TXLNA: variants seen among roughly 807,000 people sequenced by gnomAD.
TXLNA encodes the protein alpha-taxilin.
In TXLNA, 9 loss-of-function variants were observed where a neutral mutation model predicts 61.4. That is an observed-to-expected ratio of 0.15 (90% CI 0.09 to 0.26). The LOEUF (loss-of-function observed/expected upper bound fraction) is 0.26, where lower values mean the gene tolerates loss of function less well. TXLNA is among the 10% of genes least tolerant of loss of function. The pLI is 1.00. For synonymous variants in TXLNA, 257 were observed against 267.7 expected (o/e 0.96, Z 0.39); for missense variants, 565 against 688.8 (o/e 0.82, Z 2.01).
At position 32,181,418 on chromosome 1, in the gene TXLNA, T is replaced by G. The variant is rs777266375; in HGVS notation, c.346T>G (p.Tyr116Asp). The G allele has an allele frequency of 4.3e-6, 7 of 1,614,158 alleles. No individual in the cohort carries two copies. Among genetic ancestry groups the G allele is most frequent in the Non-Finnish European group, 5.1e-6 (6 of 1,180,028 alleles). The change falls in exon 3 of 11, where the codon TAT becomes GAT. Residue 116 changes from tyrosine (Y) to aspartate (D), a missense_variant. Coordinates refer to ENST00000373610, the MANE Select transcript of TXLNA (RefSeq NM_175852.4). Reference sequence around the variant, plus strand: ...CGAAGATGCAGAGAAGTCCCGGACCTATGTGGCAAGGAATGGGGAGCCTGA... The same window carrying G: ...CGAAGATGCAGAGAAGTCCCGGACCGATGTGGCAAGGAATGGGGAGCCTGA... ...EPEDAEKSRT[Y>D]VARNGEPEPT...
At position 32,190,057 on chromosome 1, in the gene TXLNA, A is replaced by C. The variant is rs138935065; in HGVS notation, c.771A>C (p.Glu257Asp). The C allele has an allele frequency of 2.6e-6, 4 of 1,566,162 alleles. No individual in the cohort carries two copies. The highest frequency in any genetic ancestry group is 3.5e-6 in the Non-Finnish European group (4 of 1,153,318). ...CTCGGGCTGACTTCTTTGCCCAGGA[A>C]GAAGGTGTGCAGCGGGCCCGGGAGG... Reference protein sequence around the residue: ...ELQRHNRSLKEEGVQRAREEE... With the variant: ...ELQRHNRSLKDEGVQRAREEE... The change falls in exon 6 of 11, where the codon GAA becomes GAC. Residue 257 changes from glutamate to aspartate, a missense_variant and splice_region_variant. This residue lies in a region of TXLNA where 373 missense variants were observed against 504.0 expected (regional missense o/e 0.74). Transcript: ENST00000373610.
rs1351746091 is a variant in TXLNA at position 32,196,828 on chromosome 1, T to C, written c.*1633T>C. On this transcript the variant is annotated 3_prime_UTR_variant, in exon 11 of 11. Transcript: ENST00000373610. ...AGATAAGTTGGTTCACAAAGAATGT[T>C]AAGTACTGAATCATGTGTGACTGAG... is the stretch of plus-strand genomic sequence containing the variant. 4 of 152,242 alleles carry C rather than the reference T, an allele frequency of 2.6e-5. No individual in the cohort carries two copies. The highest frequency in any genetic ancestry group is 5.9e-5 in the Non-Finnish European group (4 of 68,052). The allele number at this position is 152,242 out of a possible 1,614,324, so 9.4% of individuals were successfully genotyped here.
At chr1:32,187,131 A>G (rs1642803475) in intron 4 of TXLNA, among the ~76,000 whole-genome samples, 1 of 151,886 alleles carries the variant, frequency 6.6e-6, no homozygotes, top group African/African-American at 2.4e-5. Context: ...TGAACTCCTG[A>G]CCTCAAGTGA....
In TXLNA at chr1:32,190,619, TACTC is replaced by T. The variant is rs1178769909; in HGVS notation, c.963+373_963+376del. Among the ~76,000 whole-genome samples the T allele has an allele frequency of 4.6e-5, 7 of 152,328 alleles. No individual in the cohort carries two copies. The East Asian group carries it at 7.7e-4, about 17-fold the overall frequency. On this transcript the variant is annotated intron_variant, in intron 6 of 10. Coordinates refer to ENST00000373610, the MANE Select transcript of TXLNA (RefSeq NM_175852.4). ...GTATTTATGCAGTAGAACTTCCAAA[TACTC>T]ACCTACATTATGGGCTTACAATGAT...
intron 4 of TXLNA, 100 bp from the exon 5 acceptor site, chr1:32,187,854 A>G: frequency 1.5e-6 from 2 of 1,326,532 alleles, no homozygotes; most frequent in Non-Finnish European, 2.1e-6. Flanking sequence ...TGAGAGGGTA[A>G]GGGTCAGGGC....
rs546537271 is a variant in TXLNA at position 32,195,615 on chromosome 1, T to C, written c.*420T>C. 3.9e-5 allele frequency: 16 copies of C among 414,924 alleles called. No homozygotes were observed. Among genetic ancestry groups the C allele is most frequent in the African/African-American group, 2.7e-4 (13 of 48,322 alleles). The allele number at this position is 414,924 out of a possible 1,614,324, so 25.7% of individuals were successfully genotyped here. Reference sequence around the variant, plus strand: ...ACAAGTAATACACCCAGGTCTTGACTGCATTTGTCTTGTGAGCAGGGCTTG... The same window carrying C: ...ACAAGTAATACACCCAGGTCTTGACCGCATTTGTCTTGTGAGCAGGGCTTG... On this transcript the variant is annotated 3_prime_UTR_variant, in exon 11 of 11. Transcript: ENST00000373610.
In TXLNA at chr1:32,181,487, G is replaced by T. The variant is rs1642660220; in HGVS notation, c.415G>T (p.Asp139Tyr). 1.2e-6 allele frequency: 2 copies of T among 1,611,084 alleles called. No homozygotes were observed. Among genetic ancestry groups the T allele is most frequent in the South Asian group, 1.1e-5 (1 of 90,668 alleles). Residue 139 changes from aspartate (D) to tyrosine (Y), a missense_variant, in exon 3 of 11, where the codon GAT becomes TAT. Around this residue, in one of 2 missense-constraint regions of TXLNA, gnomAD observed 192 missense variants for 184.8 expected, o/e 1.04. Transcript: ENST00000373610. ...TGGAGAGAAGGAACCCTCCAAGGGG[G>T]ATCCAAACACAGAAGAGATCCGGCA... is the stretch of plus-strand genomic sequence containing the variant. The part of the protein sequence containing the change: ...VNGEKEPSKG[D>Y]PNTEEIRQSD...
At position 32,193,216 on chromosome 1, in the gene TXLNA, A is replaced by G. The variant is rs374926914; in HGVS notation, c.1167A>G (p.Leu389=). The change falls in exon 9 of 11, where the codon CTA becomes CTG. Residue 389 remains leucine (L), a synonymous_variant. Coordinates refer to ENST00000373610, the MANE Select transcript of TXLNA (RefSeq NM_175852.4). ...CTGCTTTCTCCCCACAGCTTGCCCT[A>G]TACACAGAGAAGTTTGAGGAGTTCC... ...QETHLKQQLA[L]YTEKFEEFQN... 4.3e-6 allele frequency: 7 copies of G among 1,613,550 alleles called. No homozygotes were observed. Among genetic ancestry groups the G allele is most frequent in the South Asian group, 1.1e-5 (1 of 91,076 alleles).
chr1:32,187,884 C>A, intron 4 of TXLNA, 70 bp from the exon 5 acceptor site: 1 of 1,549,532 alleles, frequency 6.5e-7, no homozygotes, highest in Non-Finnish European at 8.8e-7. Flanking sequence ...GACCCTAGAC[C>A]TGCATAGTGA....
chr1:32,186,791 G>A (rs1642797953), intron 4 of TXLNA, among the ~76,000 whole-genome samples: 1 of 152,226 alleles, frequency 6.6e-6, no homozygotes, highest in Non-Finnish European at 1.5e-5. Context: ...TAGTGACAAA[G>A]TCTAGATCTG....
At chr1:32,190,013 G>A (rs1289303181) in intron 5 of TXLNA, 42 bp from the exon 6 acceptor site, 20 of 1,523,132 alleles carry the variant, frequency 1.3e-5, no homozygotes, top group Non-Finnish European at 1.8e-5. Flanking sequence ...CCCTTGTGAG[G>A]TAGCAGTGGA....
Position 32,194,069 on chromosome 1 carries a change from C to T in TXLNA, c.1256C>T (p.Thr419Ile). ...TTFKQEMEKM[T>I]KKIKKLEKET... Reference sequence around the variant, plus strand: ...TCTGTCTGTCACATAACCTAGATGACTAAGAAGATCAAGAAGCTGGAGAAA... The same window carrying T: ...TCTGTCTGTCACATAACCTAGATGATTAAGAAGATCAAGAAGCTGGAGAAA... Residue 419 changes from threonine to isoleucine, a missense_variant, in exon 10 of 11, where the codon ACT becomes ATT. Thr to Ile is a moderately conservative substitution (Grantham distance 89). This residue lies in a region of TXLNA where 373 missense variants were observed against 504.0 expected (regional missense o/e 0.74). Transcript: ENST00000373610. The T allele has an allele frequency of 6.2e-7, 1 of 1,612,964 alleles. No homozygotes were observed. The highest frequency in any genetic ancestry group is 8.5e-7 in the Non-Finnish European group (1 of 1,179,426).
chr1:32,183,228 AT>A (rs1025287405), intron 3 of TXLNA, among the ~76,000 whole-genome samples: 7 of 148,698 alleles, frequency 4.7e-5, no homozygotes, highest in African/African-American at 1.7e-4. Flanking sequence ...GGTTCACACC[AT>A]TCTCCTGCCT....
Position 32,194,885 on chromosome 1 carries a change from C to T in TXLNA, c.1348-17C>T. 1 of 1,588,566 alleles carries T rather than the reference C, an allele frequency of 6.3e-7. No homozygotes were observed. The highest frequency in any genetic ancestry group is 2.2e-5 in the East Asian group (1 of 44,730). ...GTTGATGGGGCACGGCACTGAAGGT[C>T]TCATTTCTTTCCCTAGAAAACAGTC... On this transcript the variant is annotated splice_polypyrimidine_tract_variant and intron_variant, in intron 10 of 10. Coordinates refer to ENST00000373610, the MANE Select transcript of TXLNA (RefSeq NM_175852.4).
Position 32,179,689 on chromosome 1 carries a change from G to A in TXLNA, c.-120G>A, listed in dbSNP as rs563402109. On this transcript the variant is annotated 5_prime_UTR_variant, in exon 1 of 11. Transcript: ENST00000373610. ...CGGCGCCGGCTATTGATTGGCTGAG[G>A]CGGGAGCAGGCGGCTGGCCGGCAGC... is the stretch of plus-strand genomic sequence containing the variant. The A allele has an allele frequency of 5.6e-4, 85 of 152,432 alleles. No homozygotes were observed. The highest frequency in any genetic ancestry group is 2.0e-3 in the African/African-American group (82 of 41,584). The allele number at this position is 152,432 out of a possible 1,614,324, so 9.4% of individuals were successfully genotyped here.
chr1:32,181,765 C>T (rs1208850228), intron 3 of TXLNA, among the ~76,000 whole-genome samples, 188 bp downstream of exon 3: 4 of 152,192 alleles, frequency 2.6e-5, no homozygotes, highest in Non-Finnish European at 5.9e-5. Flanking sequence ...GTTACCAGCA[C>T]AAAGCCTTCT....
rs1289213129 is a variant in TXLNA at position 32,192,080 on chromosome 1, C to T, written c.964-231C>T. Reference sequence around the variant, plus strand: ...TGCTTGCCTTCTTGGGAGCAGATTCCATCCATAAACCATGTGCTTACCAAG... The same window carrying T: ...TGCTTGCCTTCTTGGGAGCAGATTCTATCCATAAACCATGTGCTTACCAAG... On this transcript the variant is annotated intron_variant, in intron 6 of 10. Transcript: ENST00000373610. This position sits in a 1 kb window ranked among gnomAD's most constrained non-coding sequence, Gnocchi z 4.2. Among the ~76,000 whole-genome samples the T allele has an allele frequency of 1.3e-5, 2 of 152,238 alleles. No individual in the cohort carries two copies. Among genetic ancestry groups the T allele is most frequent in the African/African-American group, 4.8e-5 (2 of 41,458 alleles).
intron 3 of TXLNA, among the ~76,000 whole-genome samples, chr1:32,182,923 C>T (rs979094592): frequency 1.2e-4 from 18 of 149,942 alleles, no homozygotes; most frequent in Non-Finnish European, 1.6e-4. Flanking sequence ...AAAAATCAGC[C>T]GGGCGTGGTG....
chr1:32,184,418 A>G (rs756413330), intron 3 of TXLNA, 107 bp from the exon 4 acceptor site: 11 of 742,616 alleles, frequency 1.5e-5, no homozygotes, highest in Non-Finnish European at 2.6e-5. Flanking sequence ...CAAGCAAAAT[A>G]TAAAGTATGA....
Sources: allele counts gnomAD v4.1 joint callset (sites outside exome capture counted in the v4.1 genomes callset), GRCh38; gene constraint gnomAD v4.1.1; regional missense constraint gnomAD v4.1.1; non-coding constraint Gnocchi (gnomAD v3.1); transcripts MANE v1.5; gene names NCBI Gene and HGNC (gene_info 2026-07-23, HGNC 2026-07-21).